CPXM2: variants seen among roughly 807,000 people sequenced by gnomAD.
CPXM2 encodes the protein inactive carboxypeptidase-like protein X2.
In CPXM2, 66 loss-of-function variants were observed where a neutral mutation model predicts 86.1. That is an observed-to-expected ratio of 0.77 (90% CI 0.63 to 0.94). The LOEUF is 0.94. Among genes scored for constraint, CPXM2 ranks in the 40% least tolerant of loss-of-function variants. The pLI is 0.00. For missense variants in CPXM2, 948 were observed against 1,026.3 expected (o/e 0.92, Z 1.04); for synonymous variants, 388 against 400.2 (o/e 0.97, Z 0.36).
At chr10:123,871,346 G>A (rs1391104847) in intron 2 of CPXM2, among the ~76,000 whole-genome samples, 1 of 152,202 alleles carries the variant, frequency 6.6e-6, no homozygotes, top group African/African-American at 2.4e-5. Flanking sequence ...CCAAATGAAT[G>A]AATCTGCATT....
chr10:123,936,727 C>T (rs1490269809), intron 2 of CPXM2, among the ~76,000 whole-genome samples: 1 of 152,188 alleles, frequency 6.6e-6, no homozygotes, highest in East Asian at 1.9e-4. Context: ...TTCCTCTCCA[C>T]TCTCCCTTTG....
chr10:123,837,966 T>C (rs996232393), intron 4 of CPXM2, among the ~76,000 whole-genome samples: 2 of 152,202 alleles, frequency 1.3e-5, no homozygotes, highest in Non-Finnish European at 2.9e-5. Flanking sequence ...TACCATGGCA[T>C]GCGCCTTGCT....
chr10:123,858,215 G>T (rs117579304), intron 3 of CPXM2, among the ~76,000 whole-genome samples: 3,507 of 152,296 alleles, frequency 0.023, 70 homozygotes, highest in South Asian at 0.088. Context: ...CTGCCCGGCC[G>T]CCTCCTAGGC....
At chr10:123,759,855 ATG>A (rs2133983707) in intron 11 of CPXM2, among the ~76,000 whole-genome samples, 1 of 152,338 alleles carries the variant, frequency 6.6e-6, no homozygotes, top group Admixed American at 6.5e-5. Context: ...ACTCCAAACA[ATG>A]TGCATTTCAA....
At chr10:123,864,796 CGTGA>C (rs545333802) in intron 2 of CPXM2, among the ~76,000 whole-genome samples, 22 of 152,250 alleles carry the variant, frequency 1.4e-4, no homozygotes, top group Non-Finnish European at 2.6e-4. Flanking sequence ...CTCCTATGCA[CGTGA>C]GTATTTTAAT....
chr10:123,944,087 G>A (rs907939520), upstream of CPXM2, among the ~76,000 whole-genome samples: 3 of 152,292 alleles, frequency 2.0e-5, no homozygotes, highest in Admixed American at 6.5e-5. Context: ...CAAAGGCCCC[G>A]GGCTGGGGTG....
chr10:123,843,352 G>A (rs1427405754), intron 3 of CPXM2: 16 of 435,048 alleles, frequency 3.7e-5, no homozygotes, highest in Middle Eastern at 3.4e-4. Context: ...CTGACTCCTC[G>A]CCTCCCAAAA....
At chr10:123,923,580 CAA>C (rs774378580) in intron 2 of CPXM2, among the ~76,000 whole-genome samples, 9 of 121,070 alleles carry the variant, frequency 7.4e-5, no homozygotes, top group African/African-American at 9.4e-5. Flanking sequence ...GACTCCGTCT[CAA>C]AAAAAAAAAA....
chr10:123,905,095 CT>C (rs1293427654), intron 2 of CPXM2, among the ~76,000 whole-genome samples: 1 of 152,210 alleles, frequency 6.6e-6, no homozygotes, highest in Non-Finnish European at 1.5e-5. Context: ...CCAAGTGGAG[CT>C]TCCCTGAGTG....
chr10:123,884,084 C>T (rs913663874), intron 1 of CPXM2, among the ~76,000 whole-genome samples: 1 of 152,004 alleles, frequency 6.6e-6, no homozygotes, highest in Non-Finnish European at 1.5e-5. Flanking sequence ...CAGTAGCAAC[C>T]CCCAGAAGCC....
intron 3 of CPXM2, among the ~76,000 whole-genome samples, chr10:123,859,029 C>A (rs961496978): frequency 6.6e-6 from 1 of 152,158 alleles, no homozygotes; most frequent in Non-Finnish European, 1.5e-5. Context: ...GTCAGCAGAG[C>A]GACCAGCACC....
chr10:123,825,544 T>C (rs1848027889), intron 4 of CPXM2, among the ~76,000 whole-genome samples: 1 of 152,144 alleles, frequency 6.6e-6, no homozygotes, highest in Non-Finnish European at 1.5e-5. Context: ...AATGAACCAA[T>C]GAACCTTCAT....
chr10:123,842,344 C>T lies in CPXM2; in HGVS notation c.653+5G>A. On this transcript the variant is annotated splice_donor_5th_base_variant and intron_variant, in intron 4 of 13. Coordinates refer to ENST00000241305, the MANE Select transcript of CPXM2 (RefSeq NM_198148.3). ...TCCAGAAAGCATATGTCCAGGTACA[C>T]TCACAGCCAGAGGGAGTTCCTCCCT... The T allele has an allele frequency of 6.2e-7, 1 of 1,614,254 alleles. No individual in the cohort carries two copies. The highest frequency in any genetic ancestry group is 8.5e-7 in the Non-Finnish European group (1 of 1,180,052).
intron 6 of CPXM2, among the ~76,000 whole-genome samples, chr10:123,784,867 G>A (rs528118443): frequency 4.6e-5 from 7 of 152,310 alleles, no homozygotes; most frequent in Admixed American, 1.3e-4. Context: ...TCTGGAAGAA[G>A]GAAACATAAG....
rs1344663630 is a variant in CPXM2 at position 123,798,968 on chromosome 10, A to G, written c.738+147T>C. The G allele has an allele frequency of 5.9e-6, 5 of 847,242 alleles. No individual in the cohort carries two copies. The East Asian group carries it at 7.4e-5, about 13-fold the overall frequency. The allele number at this position is 847,242 out of a possible 1,614,324, so 52.5% of individuals were successfully genotyped here. A position where few individuals can be genotyped will look rare whatever the true frequency, so the allele number is the denominator to read the frequency against. On this transcript the variant is annotated intron_variant, in intron 5 of 13. Coordinates refer to ENST00000241305, the MANE Select transcript of CPXM2 (RefSeq NM_198148.3). ...TGCTGCTGGGCTTCAGGGCAGGGAA[A>G]GGGTCTCTGTCCATCAGACTGTAGT...
chr10:123,846,468 T>C (rs1289358929), intron 3 of CPXM2, among the ~76,000 whole-genome samples: 1 of 151,900 alleles, frequency 6.6e-6, no homozygotes, highest in Non-Finnish European at 1.5e-5. Context: ...CAATGGGGAG[T>C]GGCTGTAAAA....
At chr10:123,878,507 GTGTGT>G in intron 2 of CPXM2, among the ~76,000 whole-genome samples, 1 of 7,328 alleles carries the variant, frequency 1.4e-4, no homozygotes, top group South Asian at 4.3e-3. Flanking sequence ...AAATTCAGAC[GTGTGT>G]GTGTGTGTGT....
chr10:123,779,126 G>A (rs1161304732), intron 7 of CPXM2, among the ~76,000 whole-genome samples: 2 of 152,120 alleles, frequency 1.3e-5, no homozygotes, highest in Non-Finnish European at 2.9e-5. Context: ...ATGTTAATTT[G>A]CCCTTGCTGA....
chr10:123,895,470 G>A (rs1408443249), upstream of CPXM2, among the ~76,000 whole-genome samples: 1 of 152,162 alleles, frequency 6.6e-6, no homozygotes, highest in Non-Finnish European at 1.5e-5. Context: ...TAAGCTCTGT[G>A]ATTATTATAA....
Sources: gnomAD v4.1 joint callset for allele counts (sites outside exome capture counted in the v4.1 genomes callset) on GRCh38, gnomAD v4.1.1 for gene constraint, MANE v1.5 for transcripts, NCBI Gene and HGNC (gene_info 2026-07-23, HGNC 2026-07-21) for gene names.